Variants in RANBP6 observed in about 807,000 individuals in gnomAD.
RANBP6 encodes the protein RAN binding protein 6, also known as ran-binding protein 6.
Under a neutral mutation model 35.3 loss-of-function variants are expected in RANBP6, and 10 were observed. The observed-to-expected ratio is 0.28, with a 90% confidence interval of 0.17 to 0.48. The LOEUF is 0.48. Among genes scored for constraint, RANBP6 ranks in the 20% least tolerant of loss-of-function variants. RANBP6 has a pLI of 0.99. For synonymous variants in RANBP6, 514 were observed against 464.2 expected (o/e 1.11, Z -1.38); for missense variants, 1,392 against 1,307.7 (o/e 1.06, Z -0.99).
Position 6,014,508 on chromosome 9 carries a change from G to A in RANBP6, c.1100C>T (p.Thr367Ile). The part of the protein sequence containing the change: ...GLGGKVVLPM[T>I]KEHIMQMLQS... The stretch of plus-strand genomic sequence containing the variant: ...AAGCATCTGCATGATATGCTCCTTG[G>A]TCATTGGTAAAACAACTTTTCCACC... The change falls in exon 1 of 1, where the codon ACC becomes ATC. Residue 367 changes from threonine to isoleucine, a missense_variant. Transcript: ENST00000259569. 1.2e-6 allele frequency: 2 copies of A among 1,614,104 alleles called. No individual in the cohort carries two copies. Among genetic ancestry groups the A allele is most frequent in the East Asian group, 2.2e-5 (1 of 44,888 alleles).
chr9:6,013,916 T>C lies in RANBP6; in HGVS notation c.1692A>G (p.Lys564=), dbSNP rs1842526065. The C allele has an allele frequency of 1.1e-5, 18 of 1,614,042 alleles. No individual in the cohort carries two copies. Among genetic ancestry groups the C allele is most frequent in the Non-Finnish European group, 1.5e-5 (18 of 1,180,014 alleles). The stretch of plus-strand genomic sequence containing the variant: ...CAATATGGCTAATGCACTCGATAGT[T>C]TTTCCTCTCAGAAGCTTGAGTTCCT... ...VQKELKLLRG[K]TIECISHIGL... is the part of the protein sequence containing the mutation. The change falls in exon 1 of 1, where the codon AAA becomes AAG. Residue 564 remains lysine, a synonymous_variant. Transcript: ENST00000259569.
Position 6,012,441 on chromosome 9 carries a change from T to C in RANBP6, c.3167A>G (p.Asn1056Ser), listed in dbSNP as rs200580196. 6.2e-7 allele frequency: 1 copy of C among 1,613,988 alleles called. No individual in the cohort carries two copies. The highest frequency in any genetic ancestry group is 8.5e-7 in the Non-Finnish European group (1 of 1,179,928). The change falls in exon 1 of 1, where the codon AAT becomes AGT. Residue 1056 changes from asparagine to serine, a missense_variant. By Grantham distance (46) the Asn-to-Ser change is conservative. Transcript: ENST00000259569. ...AGGATCCTCATAGTTAATAGTCTCATTAATTTTTCCTTCTGCAATTATACT... is the reference window on the plus strand; with the variant it reads ...AGGATCCTCATAGTTAATAGTCTCACTAATTTTTCCTTCTGCAATTATACT... ...IISIIAEGKI[N>S]ETINYEDPCA...
At position 6,012,069 on chromosome 9, in the gene RANBP6, A is replaced by T; in HGVS notation, c.*221T>A. The T allele has an allele frequency of 2.5e-6, 1 of 407,820 alleles. No homozygotes were observed. Among genetic ancestry groups the T allele is most frequent in the South Asian group, 6.1e-5 (1 of 16,378 alleles). The allele number at this position is 407,820 out of a possible 1,614,324, so 25.3% of individuals were successfully genotyped here. A position where few individuals can be genotyped will look rare whatever the true frequency, so the allele number is the denominator to read the frequency against. ...GGAAAGGTGACAAACATTGTTTAAGACAGTTTGAAGCACAGGTTATCACCA... is the reference window on the plus strand; with the variant it reads ...GGAAAGGTGACAAACATTGTTTAAGTCAGTTTGAAGCACAGGTTATCACCA... On this transcript the variant is annotated 3_prime_UTR_variant, in exon 1 of 1. Transcript: ENST00000259569.
rs148935008 is a variant in RANBP6 at position 6,012,759 on chromosome 9, G to A, written c.2849C>T (p.Ser950Phe). ...MAQFGGDDYR[S>F]LCSEAVPLLV... is the part of the protein sequence containing the mutation. The stretch of plus-strand genomic sequence containing the variant: ...AAGTGGAACAGCTTCTGAACATAAA[G>A]AACGATAATCATCTCCACCAAACTG... The change falls in exon 1 of 1, where the codon TCT becomes TTT. Residue 950 changes from serine to phenylalanine, a missense_variant. Ser to Phe is a radical substitution (Grantham distance 155). Coordinates refer to ENST00000259569, the MANE Select transcript of RANBP6 (RefSeq NM_012416.4). 5.6e-6 allele frequency: 9 copies of A among 1,614,014 alleles called. No homozygotes were observed. The African/African-American group carries it at 1.1e-4, about 19-fold the overall frequency.
In RANBP6 at chr9:6,015,441, G is replaced by C. The variant is rs1563990805; in HGVS notation, c.167C>G (p.Ala56Gly). 1.9e-6 allele frequency: 3 copies of C among 1,614,144 alleles called. No homozygotes were observed. The highest frequency in any genetic ancestry group is 1.7e-6 in the Non-Finnish European group (2 of 1,180,028). Reference sequence around the variant, plus strand: ...ATAACCTGCTCTTCTATTTCTGACGGCATCTAAGAGGAAGGTAGTCTTACA... The same window carrying C: ...ATAACCTGCTCTTCTATTTCTGACGCCATCTAAGAGGAAGGTAGTCTTACA... ...GLCKTTFLLD[A>G]VRNRRAGYEV... is the part of the protein sequence containing the mutation. Residue 56 changes from alanine (A) to glycine (G), a missense_variant, in exon 1 of 1, where the codon GCC becomes GGC. Transcript: ENST00000259569.
Position 6,014,909 on chromosome 9 carries a change from C to G in RANBP6, c.699G>C (p.Val233=). The G allele has an allele frequency of 6.2e-7, 1 of 1,614,108 alleles. No homozygotes were observed. ...ADLLPGILQA[V]NDSCYQDDDS... is the part of the protein sequence containing the mutation. ...CATCATCCTGGTAGCATGAGTCATT[C>G]ACAGCCTGTAAGATTCCAGGAAGCA... Residue 233 remains valine, a synonymous_variant, in exon 1 of 1, where the codon GTG becomes GTC. Transcript: ENST00000259569.
rs1329924850 is a variant in RANBP6, at chr9:6,011,418, AT to A, written c.*871del. ...TCTTAGGAAATTATTTGAAATAGAA[AT>A]CAATTTAAGCCCTATAACTAGAGCT... On this transcript the variant is annotated 3_prime_UTR_variant, in exon 1 of 1. Coordinates refer to ENST00000259569, the MANE Select transcript of RANBP6 (RefSeq NM_012416.4). 2 of 152,224 alleles carry A rather than the reference AT, an allele frequency of 1.3e-5. No homozygotes were observed. The highest frequency in any genetic ancestry group is 4.8e-5 in the African/African-American group (2 of 41,464). The allele number at this position is 152,224 out of a possible 1,614,324, so 9.4% of individuals were successfully genotyped here. A position where few individuals can be genotyped will look rare whatever the true frequency, so the allele number is the denominator to read the frequency against.
In RANBP6 at chr9:6,013,026, T is replaced by A. The variant is rs1319794110; in HGVS notation, c.2582A>T (p.Tyr861Phe). ...SDILHSLFST[Y>F]KEKILPWFEQ... ...AAACCATGGTAAAATCTTTTCCTTA[T>A]AAGTACTAAATAATGAGTGCAAAAT... The change falls in exon 1 of 1, where the codon TAT (tyrosine) becomes TTT (phenylalanine). Residue 861 changes from tyrosine to phenylalanine, a missense_variant. By Grantham distance (22) the Tyr-to-Phe change is conservative. Transcript: ENST00000259569. 1.2e-6 allele frequency: 2 copies of A among 1,613,614 alleles called. No homozygotes were observed. The highest frequency in any genetic ancestry group is 1.7e-6 in the Non-Finnish European group (2 of 1,179,890).
rs1361660354 is a variant in RANBP6, at chr9:6,011,504, C to G, written c.*786G>C. ...TGGCATACATATACAAAATAATACT[C>G]TGCTGAAACACATAACACTGACTCC... is the stretch of plus-strand genomic sequence containing the variant. On this transcript the variant is annotated 3_prime_UTR_variant, in exon 1 of 1. Transcript: ENST00000259569. The G allele has an allele frequency of 2.0e-5, 3 of 152,154 alleles. No homozygotes were observed. Among genetic ancestry groups the G allele is most frequent in the Non-Finnish European group, 4.4e-5 (3 of 68,022 alleles). The allele number at this position is 152,154 out of a possible 1,614,324, so 9.4% of individuals were successfully genotyped here. A position where few individuals can be genotyped will look rare whatever the true frequency, so the allele number is the denominator to read the frequency against.
In RANBP6 at chr9:6,015,426, C is replaced by T. The variant is rs778686581; in HGVS notation, c.182G>A (p.Arg61Lys). ...TFLLDAVRNR[R>K]AGYEVRQMAA... ...CATTTGTCTCACCTCATAACCTGCT[C>T]TTCTATTTCTGACGGCATCTAAGAG... The change falls in exon 1 of 1, where the codon AGA (arginine) becomes AAA (lysine). Residue 61 changes from arginine (R) to lysine (K), a missense_variant. Arg to Lys is a conservative substitution (Grantham distance 26). Coordinates refer to ENST00000259569, the MANE Select transcript of RANBP6 (RefSeq NM_012416.4). 2.5e-6 allele frequency: 4 copies of T among 1,614,226 alleles called. No homozygotes were observed. The East Asian group carries it at 6.7e-5, about 27-fold the overall frequency.
In RANBP6 at chr9:6,015,599, T is replaced by C. The variant is rs758804375; in HGVS notation, c.9A>G (p.Ala3=). 3 of 1,593,058 alleles carry C rather than the reference T, an allele frequency of 1.9e-6. No homozygotes were observed. Among genetic ancestry groups the C allele is most frequent in the South Asian group, 1.1e-5 (1 of 89,796 alleles). The part of the protein sequence containing the change: MA[A]TASAGVPATV... ...TCGCCGGCACCCCTGCAGACGCGGT[T>C]GCCGCCATTGCGCTCTGTCAAAGCT... Residue 3 remains alanine (A), a synonymous_variant, in exon 1 of 1, where the codon GCA becomes GCG. Transcript: ENST00000259569.
At position 6,014,402 on chromosome 9, in the gene RANBP6, T is replaced by C. The variant is rs1366530534; in HGVS notation, c.1206A>G (p.Glu402=). 2 of 1,614,178 alleles carry C rather than the reference T, an allele frequency of 1.2e-6. No homozygotes were observed. Among genetic ancestry groups the C allele is most frequent in the South Asian group, 2.2e-5 (2 of 91,084 alleles). Residue 402 remains glutamate, a synonymous_variant, in exon 1 of 1, where the codon GAA becomes GAG. Coordinates refer to ENST00000259569, the MANE Select transcript of RANBP6 (RefSeq NM_012416.4). The part of the protein sequence containing the change: ...AIGEGCHQQM[E]SILDETVNSV... The stretch of plus-strand genomic sequence containing the variant: ...AGTTAACTGTTTCATCTAGAATTGA[T>C]TCCATTTGTTGATGGCATCCTTCTC...
At position 6,013,154 on chromosome 9, in the gene RANBP6, C is replaced by T. The variant is rs1477082110; in HGVS notation, c.2454G>A (p.Leu818=). ...TTTCTTCCTGTCTTTTCACCTGTCTCAATTCTTGGTTTTTAAAGTGCCCTT... is the reference window on the plus strand; with the variant it reads ...TTTCTTCCTGTCTTTTCACCTGTCTTAATTCTTGGTTTTTAAAGTGCCCTT... ...KLEGHFKNQE[L]RQVKRQEENY... is the part of the protein sequence containing the mutation. The change falls in exon 1 of 1, where the codon TTG becomes TTA. Residue 818 remains leucine, a synonymous_variant. Coordinates refer to ENST00000259569, the MANE Select transcript of RANBP6 (RefSeq NM_012416.4). The T allele has an allele frequency of 6.2e-6, 10 of 1,613,924 alleles. No homozygotes were observed. The East Asian group carries it at 2.2e-4, about 36-fold the overall frequency.
At position 6,014,969 on chromosome 9, in the gene RANBP6, C is replaced by A; in HGVS notation, c.639G>T (p.Glu213Asp). 6.2e-7 allele frequency: 1 copy of A among 1,614,228 alleles called. No individual in the cohort carries two copies. The highest frequency in any genetic ancestry group is 8.5e-7 in the Non-Finnish European group (1 of 1,180,048). ...RAAAAFVLAN[E>D]NNIALFKDFA... ...AGTCTTTGAAAAGAGCAATATTATT[C>A]TCATTAGCAAGTACAAATGCAGCTG... Residue 213 changes from glutamate to aspartate, a missense_variant, in exon 1 of 1, where the codon GAG becomes GAT. Transcript: ENST00000259569.
rs1842502988 is a variant in RANBP6 at position 6,013,021 on chromosome 9, C to T, written c.2587G>A (p.Glu863Lys). The change falls in exon 1 of 1, where the codon GAA becomes AAA. Residue 863 changes from glutamate to lysine, a missense_variant. Transcript: ENST00000259569. ...ILHSLFSTYK[E>K]KILPWFEQLL... ...TGTTCAAACCATGGTAAAATCTTTT[C>T]CTTATAAGTACTAAATAATGAGTGC... The T allele has an allele frequency of 6.2e-7, 1 of 1,613,518 alleles. No homozygotes were observed. The highest frequency in any genetic ancestry group is 8.5e-7 in the Non-Finnish European group (1 of 1,179,844).
At position 6,015,200 on chromosome 9, in the gene RANBP6, G is replaced by C. The variant is rs1220547312; in HGVS notation, c.408C>G (p.His136Gln). 9.9e-6 allele frequency: 16 copies of C among 1,614,196 alleles called. No homozygotes were observed. Among genetic ancestry groups the C allele is most frequent in the East Asian group, 2.2e-5 (1 of 44,888 alleles). Residue 136 changes from histidine (H) to glutamine (Q), a missense_variant, in exon 1 of 1, where the codon CAC (histidine) becomes CAG (glutamine). Physicochemically the swap from His to Gln is conservative, Grantham distance 24 (BLOSUM62 0). Coordinates refer to ENST00000259569, the MANE Select transcript of RANBP6 (RefSeq NM_012416.4). ...RNLIDEDGTNHWPEGLKFLID... is the reference protein window; with the variant it reads ...RNLIDEDGTNQWPEGLKFLID... ...TAAGAAACTTCAGACCTTCCGGCCA[G>C]TGGTTAGTGCCATCCTCATCTATCA...
rs1327326463 is a variant in RANBP6 at position 6,012,433 on chromosome 9, T to C, written c.3175A>G (p.Ile1059Val). 9.3e-6 allele frequency: 15 copies of C among 1,614,026 alleles called. No individual in the cohort carries two copies. Among genetic ancestry groups the C allele is most frequent in the Non-Finnish European group, 1.3e-5 (15 of 1,179,930 alleles). Residue 1059 changes from isoleucine (I) to valine (V), a missense_variant, in exon 1 of 1, where the codon ATT (isoleucine) becomes GTT (valine). Coordinates refer to ENST00000259569, the MANE Select transcript of RANBP6 (RefSeq NM_012416.4). ...TTGGCACAAGGATCCTCATAGTTAA[T>C]AGTCTCATTAATTTTTCCTTCTGCA... ...IIAEGKINET[I>V]NYEDPCAKRL...
chr9:6,013,474 C>T lies in RANBP6; in HGVS notation c.2134G>A (p.Val712Met), dbSNP rs756638354. The part of the protein sequence containing the change: ...EGFVEYTEQV[V>M]KLMVPLLKFY... ...TTCAGTAAAGGAACCATCAGCTTCA[C>T]AACTTGTTCTGTATATTCCACAAAC... Residue 712 changes from valine (V) to methionine (M), a missense_variant, in exon 1 of 1, where the codon GTG becomes ATG. By Grantham distance (21) the Val-to-Met change is conservative. Transcript: ENST00000259569. 3 of 1,614,238 alleles carry T rather than the reference C, an allele frequency of 1.9e-6. No individual in the cohort carries two copies. Among genetic ancestry groups the T allele is most frequent in the African/African-American group, 1.3e-5 (1 of 75,068 alleles).
chr9:6,013,548 GC>G lies in RANBP6; in HGVS notation c.2059del (p.Ala687GlnfsTer14). 1 of 1,614,196 alleles carries G rather than the reference GC, an allele frequency of 6.2e-7. No individual in the cohort carries two copies. Among genetic ancestry groups the G allele is most frequent in the Non-Finnish European group, 8.5e-7 (1 of 1,180,038 alleles). On this transcript the variant is annotated frameshift_variant, in exon 1 of 1. Coordinates refer to ENST00000259569, the MANE Select transcript of RANBP6 (RefSeq NM_012416.4). LOFTEE classifies it high-confidence loss of function. ...GTAAACCAACATTTGGCAAGCAGTT[GC>G]TTTTGCTTCAAGTCCTGAAGTTTTA... is the stretch of plus-strand genomic sequence containing the variant. ...GIKTSGLEAK[A>X]TACQMLVYYA...
Sources: allele counts gnomAD v4.1 joint callset, GRCh38; gene constraint gnomAD v4.1.1; transcripts MANE v1.5; gene names NCBI Gene and HGNC (gene_info 2026-07-23, HGNC 2026-07-21).